Variants in EYS observed in about 807,000 individuals in gnomAD.
The protein encoded by EYS is protein eyes shut homolog.
In EYS, 250 loss-of-function variants were observed where a neutral mutation model predicts 282.1. The ratio of observed to expected loss-of-function variants is 0.89; its 90% CI spans 0.80 to 0.98. The LOEUF (loss-of-function observed/expected upper bound fraction) is 0.98. Ranked by LOEUF, EYS falls within the 50% of genes least tolerant of loss-of-function variation. The probability of loss-of-function intolerance (pLI) is 0.00; values close to 1 mark genes in which losing one functional copy is unlikely to be tolerated. For synonymous variants in EYS, 1,355 were observed against 1,282.9 expected, an observed-to-expected ratio of 1.06 and a Z score of -1.20; for missense variants, 4,016 against 3,709.0, an observed-to-expected ratio of 1.08 and a Z score of -2.15.
intron 36 of EYS, among the ~76,000 whole-genome samples, chr6:63,810,079 T>C (rs1040108004): frequency 2.2e-5 from 3 of 136,424 alleles, no homozygotes; most frequent in African/African-American, 8.0e-5. Flanking sequence ...GCCTCTACTT[T>C]AAAAAAAAAA....
chr6:65,530,612 ACT>A (rs1189021272), intron 2 of EYS, among the ~76,000 whole-genome samples: 7 of 152,146 alleles, frequency 4.6e-5, no homozygotes, highest in African/African-American at 1.7e-4. Flanking sequence ...CTGGATTCAT[ACT>A]CTGTTTTTCA....
intron 13 of EYS, among the ~76,000 whole-genome samples, chr6:65,056,757 G>A (rs888467741): frequency 4.0e-5 from 6 of 151,894 alleles, no homozygotes; most frequent in Non-Finnish European, 8.8e-5. Flanking sequence ...GAACATTGTT[G>A]GAAATTATAA....
In EYS at chr6:64,251,052, A is replaced by G. The variant is rs190836545; in HGVS notation, c.6192-20228T>C. Among the ~76,000 whole-genome samples the G allele has an allele frequency of 4.8e-4, 73 of 152,266 alleles. 1 individual carries two copies. The highest frequency in any genetic ancestry group is 2.4e-3 in the Admixed American group (37 of 15,278). ...TCTCACCTTGTTCATTACACCCAAT[A>G]TTATACTACTGAAGCAATGGATTTT... On this transcript the variant is annotated intron_variant, in intron 30 of 42. Transcript: ENST00000503581.
chr6:65,389,908 G>GT (rs897591548), intron 7 of EYS, among the ~76,000 whole-genome samples: 5 of 151,994 alleles, frequency 3.3e-5, no homozygotes, highest in Non-Finnish European at 7.4e-5. Context: ...GTGTAAGTAT[G>GT]TTTTTTAAAA....
chr6:64,507,437 T>C (rs1777246915), intron 26 of EYS, among the ~76,000 whole-genome samples: 1 of 152,200 alleles, frequency 6.6e-6, no homozygotes, highest in South Asian at 2.1e-4. Context: ...ACTCAGGTAG[T>C]TTTAAAAATT....
intron 1 of EYS, among the ~76,000 whole-genome samples, chr6:65,664,845 G>A (rs574866480): frequency 5.3e-5 from 8 of 152,194 alleles, no homozygotes; most frequent in Non-Finnish European, 1.0e-4. Flanking sequence ...TATTTACTAG[G>A]CAAAATATTG....
intron 7 of EYS, among the ~76,000 whole-genome samples, chr6:65,389,703 G>T (rs1032385690): frequency 6.6e-6 from 1 of 152,054 alleles, no homozygotes; most frequent in South Asian, 2.1e-4. Context: ...TAATGTAAAT[G>T]AATACTGGCA....
Position 64,955,859 on chromosome 6 carries a change from G to T in EYS, c.2260-9945C>A, listed in dbSNP as rs568150467. Among the ~76,000 whole-genome samples, 6 of 152,196 alleles carry T rather than the reference G, an allele frequency of 3.9e-5. No individual in the cohort carries two copies. The South Asian group carries it at 1.2e-3, about 32-fold the overall frequency. ...CACTCAGAACCATTTCTGGCAACTC[G>T]CTTTGGGTCCCCTCTCACTGCTAAT... is the stretch of plus-strand genomic sequence containing the variant. On this transcript the variant is annotated intron_variant, in intron 14 of 42. Coordinates refer to ENST00000503581, the MANE Select transcript of EYS (RefSeq NM_001142800.2).
intron 2 of EYS, among the ~76,000 whole-genome samples, chr6:65,632,316 T>G (rs1766945341): frequency 6.6e-6 from 1 of 152,160 alleles, no homozygotes; most frequent in African/African-American, 2.4e-5. Context: ...TGATTTCCAC[T>G]TGACAAGTTA....
At chr6:64,276,879 T>C (rs892895327) in intron 30 of EYS, among the ~76,000 whole-genome samples, 6 of 152,064 alleles carry the variant, frequency 3.9e-5, no homozygotes, top group Non-Finnish European at 8.8e-5. Context: ...TCAGCTAGTC[T>C]CAAAATAGAA....
intron 1 of EYS, among the ~76,000 whole-genome samples, chr6:65,663,485 A>G (rs1406689338): frequency 6.6e-6 from 1 of 152,202 alleles, no homozygotes; most frequent in Non-Finnish European, 1.5e-5. Flanking sequence ...AAAGAAAGGA[A>G]TTATCACTAG....
chr6:64,867,798 T>C (rs1381101308), intron 19 of EYS, among the ~76,000 whole-genome samples: 1 of 151,706 alleles, frequency 6.6e-6, no homozygotes, highest in African/African-American at 2.4e-5. Flanking sequence ...AATTAAATTC[T>C]ACTTTTGAAA....
chr6:64,919,966 T>G (rs536842828), intron 15 of EYS, among the ~76,000 whole-genome samples: 5 of 152,178 alleles, frequency 3.3e-5, no homozygotes, highest in Non-Finnish European at 5.9e-5. Context: ...ATGGAACTCA[T>G]GCTGTATTTT....
rs375235683 is a variant in EYS at position 64,800,544 on chromosome 6, CT to C, written c.3443+12833del. 6.5e-3 allele frequency among the ~76,000 whole-genome samples: 947 copies of C among 145,942 alleles called. 12 individuals carry two copies. The highest frequency in any genetic ancestry group is 0.023 in the African/African-American group (906 of 40,004). Reference sequence around the variant, plus strand: ...GGAAAGTATAACCAGAGAGTTTAATCTAATTTTTTTTTCCAAAGGAAGCTTT... The same window carrying C: ...GGAAAGTATAACCAGAGAGTTTAATCAATTTTTTTTTCCAAAGGAAGCTTT... On this transcript the variant is annotated intron_variant, in intron 22 of 42. Transcript: ENST00000503581.
At chr6:64,296,211 A>C (rs1377058135) in intron 30 of EYS, among the ~76,000 whole-genome samples, 1 of 152,166 alleles carries the variant, frequency 6.6e-6, no homozygotes, top group Non-Finnish European at 1.5e-5. Flanking sequence ...TCTTTTCAAA[A>C]TATGTATGTG....
chr6:65,285,460 T>C (rs1768336161), intron 12 of EYS, among the ~76,000 whole-genome samples: 1 of 152,004 alleles, frequency 6.6e-6, no homozygotes, highest in Non-Finnish European at 1.5e-5. Flanking sequence ...TGCTGTTTTA[T>C]AATGCTTTTT....
At chr6:64,227,826 G>A (rs917936567) in intron 31 of EYS, among the ~76,000 whole-genome samples, 1 of 151,928 alleles carries the variant, frequency 6.6e-6, no homozygotes, top group Admixed American at 6.6e-5. Flanking sequence ...TGATTTATCT[G>A]TAAATCGTAA....
At chr6:64,474,153 C>A (rs1186814345) in intron 26 of EYS, among the ~76,000 whole-genome samples, 2 of 152,082 alleles carry the variant, frequency 1.3e-5, no homozygotes, top group African/African-American at 4.8e-5. Flanking sequence ...TATATTCTGT[C>A]AATAAATGTG....
intron 4 of EYS, 108 bp downstream of exon 4, chr6:65,494,555 A>G: frequency 9.5e-7 from 1 of 1,051,808 alleles, no homozygotes; most frequent in South Asian, 1.6e-5. Context: ...TGCTGGGATT[A>G]CAGGTGTGAG....
Sources: gnomAD v4.1 joint callset for allele counts (sites outside exome capture counted in the v4.1 genomes callset) on GRCh38, gnomAD v4.1.1 for gene constraint, MANE v1.5 for transcripts, NCBI Gene and HGNC (gene_info 2026-07-23, HGNC 2026-07-21) for gene names.